LDLRAD4: variants seen among roughly 807,000 people sequenced by gnomAD.
LDLRAD4 encodes low density lipoprotein receptor class A domain containing 4, also known as low-density lipoprotein receptor class A domain-containing protein 4.
Under a neutral mutation model 17.0 loss-of-function variants are expected in LDLRAD4, and 5 were observed. That is an observed-to-expected ratio of 0.29 (90% CI 0.15 to 0.62). The LOEUF is 0.62. LDLRAD4 is among the 20% of genes least tolerant of loss of function. The probability of loss-of-function intolerance (pLI) is 0.84; values close to 1 mark genes in which losing one functional copy is unlikely to be tolerated. For synonymous variants in LDLRAD4, 168 were observed against 171.8 expected (o/e 0.98, Z 0.17); for missense variants, 340 against 424.7 (o/e 0.80, Z 1.75).
upstream of LDLRAD4, among the ~76,000 whole-genome samples, chr18:13,274,079 G>A (rs1044787840): frequency 3.9e-5 from 6 of 152,184 alleles, no homozygotes; most frequent in African/African-American, 1.4e-4. Context: ...CTCAGCGAGC[G>A]GCTGTGCTTG....
chr18:13,496,997 T>G (rs2093482945), intron 3 of LDLRAD4, among the ~76,000 whole-genome samples: 1 of 152,208 alleles, frequency 6.6e-6, no homozygotes, highest in African/African-American at 2.4e-5. Context: ...GAAATGCGCA[T>G]GTATTCAAGA....
At chr18:13,513,158 A>AG (rs1232073727) in intron 3 of LDLRAD4, among the ~76,000 whole-genome samples, 1 of 152,154 alleles carries the variant, frequency 6.6e-6, no homozygotes, top group African/African-American at 2.4e-5. Context: ...CCTACATTGC[A>AG]GTTTGCTTTG....
At chr18:13,415,309 G>A (rs1396437770) in intron 2 of LDLRAD4, among the ~76,000 whole-genome samples, 1 of 152,192 alleles carries the variant, frequency 6.6e-6, no homozygotes, top group African/African-American at 2.4e-5. Flanking sequence ...TCATTACGGT[G>A]GGTAATAGAC....
Position 13,360,729 on chromosome 18 carries a change from G to A in LDLRAD4, c.-382-26612G>A, listed in dbSNP as rs560153013. On this transcript the variant is annotated intron_variant, in intron 1 of 5. Coordinates refer to ENST00000359446, the Ensembl canonical transcript of LDLRAD4. ...GCAGGCAAGGCCACTGAGATGCAGG[G>A]CAATTGGCCACCCTCTTAAACAAGG... Among the ~76,000 whole-genome samples, 160 of 152,352 alleles carry A rather than the reference G, an allele frequency of 1.1e-3. 1 individual carries two copies. Among genetic ancestry groups the A allele is most frequent in the African/African-American group, 3.8e-3 (157 of 41,588 alleles).
At chr18:13,463,051 G>C (rs1367227494) in intron 3 of LDLRAD4, among the ~76,000 whole-genome samples, 1 of 152,154 alleles carries the variant, frequency 6.6e-6, no homozygotes, top group Non-Finnish European at 1.5e-5. Context: ...CCTACCTGTG[G>C]TCCCGCTGGG....
intron 3 of LDLRAD4, among the ~76,000 whole-genome samples, chr18:13,446,291 T>TC (rs944190680): frequency 6.6e-6 from 1 of 152,166 alleles, no homozygotes; most frequent in African/African-American, 2.4e-5. Context: ...GTTTTGTTTG[T>TC]CTTTGGAGGT....
chr18:13,263,283 T>C (rs2044019251), intron 1 of LDLRAD4, among the ~76,000 whole-genome samples: 1 of 151,790 alleles, frequency 6.6e-6, no homozygotes, highest in African/African-American at 2.4e-5. Flanking sequence ...GCTCTGTGTG[T>C]GGGGGCTGAG....
At chr18:13,378,473 A>G (rs1257655285) in intron 1 of LDLRAD4, among the ~76,000 whole-genome samples, 2 of 152,244 alleles carry the variant, frequency 1.3e-5, no homozygotes, top group African/African-American at 4.8e-5. Flanking sequence ...AACAAACCAC[A>G]CAAGAAAAGA....
intron 1 of LDLRAD4, among the ~76,000 whole-genome samples, chr18:13,226,775 C>T (rs1307230712): frequency 5.5e-5 from 8 of 145,426 alleles, no homozygotes; most frequent in Non-Finnish European, 3.1e-5. Context: ...AAATTCTACT[C>T]AGGTAGGTTC....
intron 1 of LDLRAD4, among the ~76,000 whole-genome samples, chr18:13,224,612 T>G (rs929993491): frequency 1.3e-5 from 2 of 150,962 alleles, no homozygotes; most frequent in African/African-American, 4.9e-5. Context: ...CCCGAGTAGC[T>G]GGGATTACAG....
chr18:13,383,361 A>G (rs1599821353), intron 1 of LDLRAD4, among the ~76,000 whole-genome samples: 1 of 152,120 alleles, frequency 6.6e-6, no homozygotes, highest in South Asian at 2.1e-4. Context: ...CAATCAGGAC[A>G]CCCGTGTGGA....
chr18:13,565,626 C>T (rs1204074620), intron 3 of LDLRAD4, among the ~76,000 whole-genome samples: 1 of 152,204 alleles, frequency 6.6e-6, no homozygotes, highest in African/African-American at 2.4e-5. Flanking sequence ...TCTCCTTTCT[C>T]GTGCCCCTGT....
rs373241913 is a variant in LDLRAD4 at position 13,415,672 on chromosome 18, A to AC, written c.41-22565dup. ...CCAGGTTACTAGAGAGGCAAACCTC[A>AC]CCCCCCCAGGACGGTCCCTTGCAAA... On this transcript the variant is annotated intron_variant, in intron 2 of 5. Coordinates refer to ENST00000359446, the Ensembl canonical transcript of LDLRAD4. Among the ~76,000 whole-genome samples, 421 of 151,982 alleles carry AC rather than the reference A, an allele frequency of 2.8e-3. 1 individual carries two copies. Among genetic ancestry groups the AC allele is most frequent in the African/African-American group, 9.6e-3 (398 of 41,434 alleles).
chr18:13,411,141 A>G (rs758550056), intron 2 of LDLRAD4, among the ~76,000 whole-genome samples: 3 of 152,040 alleles, frequency 2.0e-5, no homozygotes, highest in Non-Finnish European at 4.4e-5. Context: ...ATTCCCAGCT[A>G]CTTGGGAAGC....
At chr18:13,329,748 T>C (rs1293996766) in intron 1 of LDLRAD4, among the ~76,000 whole-genome samples, 2 of 152,232 alleles carry the variant, frequency 1.3e-5, no homozygotes, top group Non-Finnish European at 1.5e-5. Flanking sequence ...TCCAATATCA[T>C]TTATTGCCTA....
At chr18:13,386,518 C>T (rs2085815571) in intron 1 of LDLRAD4, among the ~76,000 whole-genome samples, 1 of 152,070 alleles carries the variant, frequency 6.6e-6, no homozygotes, top group Non-Finnish European at 1.5e-5. Context: ...CAGGCATACA[C>T]CACCACACTT....
chr18:13,539,361 A>C (rs2094243685), intron 3 of LDLRAD4, among the ~76,000 whole-genome samples: 1 of 152,154 alleles, frequency 6.6e-6, no homozygotes, highest in Non-Finnish European at 1.5e-5. Context: ...AACGTAGCTC[A>C]ATTTCCTTTT....
intron 3 of LDLRAD4, among the ~76,000 whole-genome samples, chr18:13,580,118 G>T (rs2094835582): frequency 6.6e-6 from 1 of 152,130 alleles, no homozygotes; most frequent in Admixed American, 6.5e-5. Flanking sequence ...TGACTTTCAG[G>T]GCTCCAGGCT....
intron 1 of LDLRAD4, among the ~76,000 whole-genome samples, chr18:13,258,213 T>C (rs1281295394): frequency 2.0e-5 from 3 of 152,270 alleles, no homozygotes; most frequent in African/African-American, 7.2e-5. Flanking sequence ...ACCAAGACAG[T>C]TGAAAATTCC....
Sources: gnomAD v4.1 joint callset for allele counts (sites outside exome capture counted in the v4.1 genomes callset) on GRCh38, gnomAD v4.1.1 for gene constraint, MANE v1.5 for transcripts, NCBI Gene and HGNC (gene_info 2026-07-23, HGNC 2026-07-21) for gene names.